Variants in CDH18 observed in about 807,000 individuals in gnomAD.
CDH18 encodes the protein cadherin 18.
Under a neutral mutation model 67.9 loss-of-function variants are expected in CDH18, and 31 were observed. The observed-to-expected ratio is 0.46, with a 90% CI of 0.34 to 0.62. CDH18 has a LOEUF of 0.62. Among genes scored for constraint, CDH18 ranks in the 20% least tolerant of loss-of-function variants. The probability of loss-of-function intolerance (pLI) is 0.01; values close to 1 mark genes in which losing one functional copy is unlikely to be tolerated. For synonymous variants in CDH18, 362 were observed against 347.2 expected, an observed-to-expected ratio of 1.04 and a Z score of -0.48; for missense variants, 890 against 975.5, an observed-to-expected ratio of 0.91 and a Z score of 1.17.
chr5:19,663,214 C>T (rs1338082468), intron 5 of CDH18, among the ~76,000 whole-genome samples: 1 of 151,926 alleles, frequency 6.6e-6, no homozygotes, highest in East Asian at 1.9e-4. Context: ...AATTTTATCA[C>T]AGGAAAATGC....
chr5:20,025,621 A>T (rs916734781), intron 2 of CDH18, among the ~76,000 whole-genome samples: 1 of 152,152 alleles, frequency 6.6e-6, no homozygotes, highest in Non-Finnish European at 1.5e-5. Flanking sequence ...CCAAACCCTG[A>T]CCAGTTTGTG....
chr5:20,310,869 GTC>G (rs376757498), intron 1 of CDH18, among the ~76,000 whole-genome samples: 2 of 152,040 alleles, frequency 1.3e-5, no homozygotes, highest in Non-Finnish European at 2.9e-5. Context: ...TGTTTTTCTG[GTC>G]TCTCTGAATT....
At chr5:19,768,114 C>T (rs1012793082) in intron 3 of CDH18, among the ~76,000 whole-genome samples, 3 of 152,090 alleles carry the variant, frequency 2.0e-5, no homozygotes, top group African/African-American at 2.4e-5. Flanking sequence ...CCCTAAAATT[C>T]TAATTATGTG....
chr5:20,298,570 A>C (rs1167229019), intron 1 of CDH18, among the ~76,000 whole-genome samples: 1 of 152,182 alleles, frequency 6.6e-6, no homozygotes, highest in Non-Finnish European at 1.5e-5. Flanking sequence ...CATAGATACG[A>C]CTTTGGCTCT....
chr5:19,938,277 C>T (rs2150222564), intron 2 of CDH18, among the ~76,000 whole-genome samples: 1 of 151,196 alleles, frequency 6.6e-6, no homozygotes, highest in South Asian at 2.1e-4. Context: ...GGAAAACTTA[C>T]TCTATTGTCA....
intron 7 of CDH18, among the ~76,000 whole-genome samples, chr5:19,572,706 C>T (rs558547314): frequency 6.6e-5 from 10 of 152,212 alleles, no homozygotes; most frequent in South Asian, 2.1e-4. Flanking sequence ...ATGAAGGTTT[C>T]GCTCTAATTA....
chr5:20,191,273 C>A (rs927556991), intron 2 of CDH18, among the ~76,000 whole-genome samples: 1 of 152,002 alleles, frequency 6.6e-6, no homozygotes, highest in African/African-American at 2.4e-5. Context: ...TGGAAAATGC[C>A]AAAACCTTAT....
At chr5:20,510,795 T>C (rs556020209) in intron 1 of CDH18, among the ~76,000 whole-genome samples, 1 of 152,284 alleles carries the variant, frequency 6.6e-6, no homozygotes, top group Non-Finnish European at 1.5e-5. Context: ...AATGACATGT[T>C]GGATGGTGTC....
intron 5 of CDH18, among the ~76,000 whole-genome samples, chr5:19,685,430 C>G (rs920573929): frequency 3.3e-5 from 5 of 152,186 alleles, no homozygotes; most frequent in Non-Finnish European, 7.3e-5. Context: ...CTGTTGTTCT[C>G]ATTTCCAGCC....
At chr5:19,809,070 C>T (rs548169849) in intron 3 of CDH18, among the ~76,000 whole-genome samples, 5 of 151,848 alleles carry the variant, frequency 3.3e-5, no homozygotes, top group South Asian at 2.1e-4. Context: ...AAACAAAACC[C>T]GAGGAAAGAT....
chr5:19,837,519 C>T (rs904546974), intron 3 of CDH18, among the ~76,000 whole-genome samples: 4 of 151,814 alleles, frequency 2.6e-5, no homozygotes, highest in Admixed American at 2.0e-4. Context: ...TTATGAAATA[C>T]TTGGTAGGGA....
intron 5 of CDH18, among the ~76,000 whole-genome samples, chr5:19,622,739 T>C (rs989913146): frequency 2.0e-5 from 3 of 152,082 alleles, no homozygotes; most frequent in Admixed American, 1.3e-4. Flanking sequence ...TCCTAGCTGT[T>C]CCTACTAAGG....
At chr5:20,366,290 C>G (rs894967638) in intron 1 of CDH18, among the ~76,000 whole-genome samples, 1 of 152,148 alleles carries the variant, frequency 6.6e-6, no homozygotes, top group Non-Finnish European at 1.5e-5. Context: ...TTACTCACCA[C>G]CACCACCACC....
rs147917143 is a variant in CDH18 at position 20,337,408 on chromosome 5, C to G, written c.-579-81903G>C. ...TCGCCTTTAGCAGCATCCAAGTCAC[C>G]TCTAGAATGCTTTGCTGCGTAGGGT... On this transcript the variant is annotated intron_variant, in intron 1 of 14. Transcript: ENST00000507958. Among the ~76,000 whole-genome samples, 302 of 152,274 alleles carry G rather than the reference C, an allele frequency of 2.0e-3. 3 individuals are homozygous for G. The highest frequency in any genetic ancestry group is 5.5e-3 in the Admixed American group (84 of 15,296).
chr5:19,837,743 C>T (rs558501687), intron 3 of CDH18, among the ~76,000 whole-genome samples: 4 of 151,998 alleles, frequency 2.6e-5, no homozygotes, highest in Admixed American at 6.6e-5. Flanking sequence ...GGAAGCGCCA[C>T]GGCTTAGATG....
At chr5:20,084,547 G>A (rs570279155) in intron 2 of CDH18, among the ~76,000 whole-genome samples, 2 of 152,312 alleles carry the variant, frequency 1.3e-5, no homozygotes, top group South Asian at 4.1e-4. Flanking sequence ...GGAACTCTGT[G>A]TGGGGACTCT....
chr5:19,715,895 C>T (rs1765285365), intron 5 of CDH18, among the ~76,000 whole-genome samples: 1 of 150,188 alleles, frequency 6.7e-6, no homozygotes, highest in African/African-American at 2.5e-5. Context: ...TGGCTCACTG[C>T]AACCTCTGCC....
chr5:20,310,674 A>C (rs897048519), intron 1 of CDH18, among the ~76,000 whole-genome samples: 2 of 152,192 alleles, frequency 1.3e-5, no homozygotes, highest in African/African-American at 4.8e-5. Flanking sequence ...TATTATTATA[A>C]GCCAATTCCA....
At chr5:20,062,406 G>A (rs1580153786) in intron 2 of CDH18, among the ~76,000 whole-genome samples, 1 of 151,822 alleles carries the variant, frequency 6.6e-6, no homozygotes, top group Non-Finnish European at 1.5e-5. Flanking sequence ...CACCCACCTC[G>A]ACCTCCCAAA....
Sources: allele counts gnomAD v4.1 joint callset (sites outside exome capture counted in the v4.1 genomes callset), GRCh38; gene constraint gnomAD v4.1.1; transcripts MANE v1.5; gene names NCBI Gene and HGNC (gene_info 2026-07-23, HGNC 2026-07-21).